MMRN1: variants seen among roughly 807,000 people sequenced by gnomAD.
MMRN1 encodes the protein multimerin-1.
Under a neutral mutation model 100.7 loss-of-function variants are expected in MMRN1, and 94 were observed. The ratio of observed to expected loss-of-function variants is 0.93; its 90% CI spans 0.79 to 1.11. MMRN1 has a LOEUF of 1.11. Ranked by LOEUF, MMRN1 falls within the 50% of genes least tolerant of loss-of-function variation. The pLI is 0.00. For synonymous variants in MMRN1, 575 were observed against 505.0 expected (o/e 1.14, Z -1.86); for missense variants, 1,606 against 1,439.1 (o/e 1.12, Z -1.88).
At chr4:89,930,531 T>C (rs1722402462) in intron 5 of MMRN1, among the ~76,000 whole-genome samples, 1 of 141,776 alleles carries the variant, frequency 7.1e-6, no homozygotes. Context: ...AAGCCTAAAT[T>C]TTATTGTACC....
rs1370585322 is a variant in MMRN1, at chr4:89,954,090, C to T, written c.*672C>T. On this transcript the variant is annotated 3_prime_UTR_variant, in exon 8 of 8. Coordinates refer to ENST00000264790, the MANE Select transcript of MMRN1 (RefSeq NM_007351.3). ...TGAGTGGATCATTTACCGCCCCCCG[C>T]CCCACAACATCTATAAGGGGCAAAA... is the stretch of plus-strand genomic sequence containing the variant. The T allele has an allele frequency of 6.6e-6, 1 of 152,124 alleles. No homozygotes were observed. Among genetic ancestry groups the T allele is most frequent in the Admixed American group, 6.6e-5 (1 of 15,240 alleles). 9.4% of individuals were successfully genotyped at this position (152,124 alleles called of 1,614,324 possible).
chr4:89,914,796 A>G (rs1721861975), intron 3 of MMRN1, among the ~76,000 whole-genome samples: 1 of 151,486 alleles, frequency 6.6e-6, no homozygotes, highest in African/African-American at 2.4e-5. Context: ...TTTCCAGTAG[A>G]TGTCTCTAAA....
Position 89,936,658 on chromosome 4 carries a change from G to A in MMRN1, c.2978G>A (p.Ser993Asn), listed in dbSNP as rs1218602557. 3 of 1,613,400 alleles carry A rather than the reference G, an allele frequency of 1.9e-6. No individual in the cohort carries two copies. The highest frequency in any genetic ancestry group is 2.7e-5 in the African/African-American group (2 of 74,878). ...TGTATAGATCGATCGTTGCCTGGTAGTCTGGCAAATGTTGTCAAGTCTCAG... is the reference window on the plus strand; with the variant it reads ...TGTATAGATCGATCGTTGCCTGGTAATCTGGCAAATGTTGTCAAGTCTCAG... ...TCCIDRSLPG[S>N]LANVVKSQKQ... is the part of the protein sequence containing the mutation. Residue 993 changes from serine (S) to asparagine (N), a missense_variant, in exon 6 of 8, where the codon AGT (serine) becomes AAT (asparagine). Transcript: ENST00000264790.
intron 2 of MMRN1, among the ~76,000 whole-genome samples, chr4:89,910,005 T>C (rs532351957): frequency 1.3e-5 from 2 of 151,522 alleles, no homozygotes; most frequent in South Asian, 4.1e-4. Flanking sequence ...GTAGCTCAGC[T>C]GGGGGTGTTT....
At chr4:89,900,230 A>G (rs1442131) in intron 1 of MMRN1, among the ~76,000 whole-genome samples, 27,223 of 152,028 alleles carry the variant, frequency 0.18, 4,105 homozygotes, top group African/African-American at 0.41. Flanking sequence ...TCAGAGATGT[A>G]TGTCTTAAAA....
At chr4:89,895,664 C>A in intron 1 of MMRN1, 70 bp downstream of exon 1, 2 of 1,470,058 alleles carry the variant, frequency 1.4e-6, no homozygotes, top group South Asian at 1.5e-5. Flanking sequence ...GTGAAATTTA[C>A]CTCACTCCCA....
At chr4:89,885,157 T>C (rs1306249856) in intron 1 of MMRN1, among the ~76,000 whole-genome samples, 1 of 151,384 alleles carries the variant, frequency 6.6e-6, no homozygotes, top group African/African-American at 2.4e-5. Context: ...CTTCCTTCTT[T>C]TTTCCTTTCT....
At chr4:89,941,389 T>A (rs966337307) in intron 6 of MMRN1, among the ~76,000 whole-genome samples, 5 of 152,226 alleles carry the variant, frequency 3.3e-5, no homozygotes, top group African/African-American at 1.2e-4. Flanking sequence ...CAGGATTTTT[T>A]ATGTTTATCC....
At chr4:89,902,718 A>C (rs545291741) in intron 1 of MMRN1, among the ~76,000 whole-genome samples, 157 of 152,150 alleles carry the variant, frequency 1.0e-3, no homozygotes, top group African/African-American at 3.7e-3. Flanking sequence ...TTTAATTGCA[A>C]AAGTTGGTAC....
chr4:89,914,763 T>C (rs1721861381), intron 3 of MMRN1, among the ~76,000 whole-genome samples: 1 of 151,528 alleles, frequency 6.6e-6, no homozygotes. Flanking sequence ...AAATCTGTTT[T>C]ATAAAATTTG....
chr4:89,912,761 G>A (rs1475408079), intron 3 of MMRN1, among the ~76,000 whole-genome samples: 1 of 151,194 alleles, frequency 6.6e-6, no homozygotes, highest in Non-Finnish European at 1.5e-5. Context: ...TCAATCAACA[G>A]TATAAGAGAC....
chr4:89,894,886 G>T lies in MMRN1; in HGVS notation c.-86G>T. On this transcript the variant is annotated 5_prime_UTR_variant, in exon 1 of 8. Transcript: ENST00000264790. ...AAACTGGCAAAACTCAGTCTTAGCA[G>T]ATTCAGTGTGGAAGCAGCTATCAAA... The T allele has an allele frequency of 6.6e-7, 1 of 1,520,954 alleles. No individual in the cohort carries two copies. Among genetic ancestry groups the T allele is most frequent in the South Asian group, 1.3e-5 (1 of 74,428 alleles). The allele number at this position is 1,520,954 out of a possible 1,614,324, so 94.2% of individuals were successfully genotyped here. A position where few individuals can be genotyped will look rare whatever the true frequency, so the allele number is the denominator to read the frequency against.
intron 3 of MMRN1, among the ~76,000 whole-genome samples, chr4:89,920,451 T>C (rs1264797908): frequency 2.6e-5 from 4 of 152,154 alleles, no homozygotes; most frequent in Admixed American, 6.6e-5. Context: ...TTAGGGATCT[T>C]GTGTTATAAC....
chr4:89,924,101 CT>C, intron 4 of MMRN1, among the ~76,000 whole-genome samples: 1 of 152,134 alleles, frequency 6.6e-6, no homozygotes. Context: ...GTCTCTTTAT[CT>C]TTGATTAACG....
upstream of MMRN1, chr4:89,894,737 C>T: frequency 2.2e-6 from 1 of 464,568 alleles, no homozygotes; most frequent in Non-Finnish European, 3.5e-6. Flanking sequence ...TGTCAGAGAC[C>T]CTTCAGCACT....
At chr4:89,916,930 T>A (rs1721940339) in intron 3 of MMRN1, among the ~76,000 whole-genome samples, 1 of 151,794 alleles carries the variant, frequency 6.6e-6, no homozygotes. Flanking sequence ...TTCCTTTCTA[T>A]TCTTGACACT....
chr4:89,905,518 C>A (rs1227287653), intron 1 of MMRN1, among the ~76,000 whole-genome samples: 1 of 151,412 alleles, frequency 6.6e-6, no homozygotes, highest in Admixed American at 6.6e-5. Flanking sequence ...CATTTGAGAT[C>A]TTATACTTTC....
chr4:89,917,371 T>C (rs1249771617), intron 3 of MMRN1, among the ~76,000 whole-genome samples: 2 of 151,888 alleles, frequency 1.3e-5, no homozygotes, highest in East Asian at 1.9e-4. Context: ...GTGATTTGTA[T>C]TGAGGTCTCT....
At chr4:89,930,943 T>C (rs923804302) in intron 5 of MMRN1, among the ~76,000 whole-genome samples, 1 of 152,174 alleles carries the variant, frequency 6.6e-6, no homozygotes, top group Non-Finnish European at 1.5e-5. Flanking sequence ...GGACTATTTC[T>C]GTATAATTTA....
Sources: gnomAD v4.1 joint callset for allele counts (sites outside exome capture counted in the v4.1 genomes callset) on GRCh38, gnomAD v4.1.1 for gene constraint, MANE v1.5 for transcripts, NCBI Gene and HGNC (gene_info 2026-07-23, HGNC 2026-07-21) for gene names.